Variants in SDE2 observed in about 807,000 individuals in gnomAD.
SDE2 encodes spliceosome associated SDE2.
Under a neutral mutation model 46.9 loss-of-function variants are expected in SDE2, and 31 were observed. The observed-to-expected ratio is 0.66, with a 90% CI of 0.50 to 0.89. SDE2 has a LOEUF of 0.89. Ranked by LOEUF, SDE2 falls within the 40% of genes least tolerant of loss-of-function variation. The pLI, the probability that SDE2 is intolerant of heterozygous loss-of-function variation, is 0.00. For synonymous variants in SDE2, 205 were observed against 204.3 expected (o/e 1.00, Z -0.03); for missense variants, 542 against 564.4 (o/e 0.96, Z 0.40).
At chr1:225,994,783 C>G (rs560045961) in intron 2 of SDE2, among the ~76,000 whole-genome samples, 11 of 152,346 alleles carry the variant, frequency 7.2e-5, no homozygotes, top group Non-Finnish European at 1.0e-4. Flanking sequence ...TCCCTAAGAG[C>G]TATCCAGCTG....
In SDE2 at chr1:225,987,940, T is replaced by C. The variant is rs899212362; in HGVS notation, c.1090A>G (p.Asn364Asp). Reference sequence around the variant, plus strand: ...TCCTGCAGTTTGGCAACGGCAACGTTTTCCCTTTCTTCAGGTGCTACCTCA... The same window carrying C: ...TCCTGCAGTTTGGCAACGGCAACGTCTTCCCTTTCTTCAGGTGCTACCTCA... ...VAEVAPEERE[N>D]VAVAKLQESQ... The change falls in exon 6 of 7, where the codon AAC (asparagine) becomes GAC (aspartate). Residue 364 changes from asparagine to aspartate, a missense_variant. Physicochemically the swap from Asn to Asp is conservative, Grantham distance 23. Coordinates refer to ENST00000272091, the MANE Select transcript of SDE2 (RefSeq NM_152608.4). 1.2e-6 allele frequency: 2 copies of C among 1,613,092 alleles called. No homozygotes were observed. The highest frequency in any genetic ancestry group is 1.7e-6 in the Non-Finnish European group (2 of 1,179,770).
At chr1:225,996,954 G>A (rs1656540291) in intron 1 of SDE2, among the ~76,000 whole-genome samples, 1 of 152,210 alleles carries the variant, frequency 6.6e-6, no homozygotes, top group Non-Finnish European at 1.5e-5. Flanking sequence ...AATCAAGAAT[G>A]CTTCTCTACA....
chr1:225,993,607 G>A (rs1272262075), intron 2 of SDE2, among the ~76,000 whole-genome samples: 1 of 148,794 alleles, frequency 6.7e-6, no homozygotes, highest in Non-Finnish European at 1.5e-5. Context: ...GCCAGGCTCT[G>A]TCTCAAAAAA....
chr1:225,998,753 G>A (rs747317251), intron 1 of SDE2, among the ~76,000 whole-genome samples: 2 of 152,124 alleles, frequency 1.3e-5, no homozygotes, highest in African/African-American at 2.4e-5. Context: ...ATCATCCTTT[G>A]GCCTGGGTTT....
At position 225,983,430 on chromosome 1, in the gene SDE2, T is replaced by G. The variant is rs1280929066; in HGVS notation, c.*1872A>C. 1 of 152,208 alleles carries G rather than the reference T, an allele frequency of 6.6e-6. No individual in the cohort carries two copies. The highest frequency in any genetic ancestry group is 1.9e-4 in the East Asian group (1 of 5,200). 9.4% of individuals were successfully genotyped at this position (152,208 alleles called of 1,614,324 possible). On this transcript the variant is annotated 3_prime_UTR_variant, in exon 7 of 7. Transcript: ENST00000272091. ...TAATTGAAGATTTTAACATCCTTTCTCAGCACCTGATAGAAATAAACAAAA... is the reference window on the plus strand; with the variant it reads ...TAATTGAAGATTTTAACATCCTTTCGCAGCACCTGATAGAAATAAACAAAA...
At position 225,992,616 on chromosome 1, in the gene SDE2, A is replaced by AT. The variant is rs1269434755; in HGVS notation, c.351-50_351-49insA. ...ATAACTGAATAGATATATTACATAT[A>AT]CACTTTTATATATAAAATGTCTCTG... On this transcript the variant is annotated intron_variant, in intron 3 of 6. Transcript: ENST00000272091. 6.0e-6 allele frequency: 7 copies of AT among 1,159,910 alleles called. No homozygotes were observed. In the Admixed American group the frequency reaches 1.3e-4, roughly 22 times the overall value. The allele number at this position is 1,159,910 out of a possible 1,614,324, so 71.9% of individuals were successfully genotyped here. A position where few individuals can be genotyped will look rare whatever the true frequency, so the allele number is the denominator to read the frequency against.
Position 225,995,281 on chromosome 1 carries a change from A to C in SDE2, c.223T>G (p.Cys75Gly). ...CAGGTCCTACCTCCTTTTCCACCGC[A>C]AAGTCTGGGTTCCAAACTATAAACA... ...GAVYSLEPRLCGGKGGFGSML... is the reference protein window; with the variant it reads ...GAVYSLEPRLGGGKGGFGSML... The change falls in exon 2 of 7, where the codon TGC (cysteine) becomes GGC (glycine). Residue 75 changes from cysteine (C) to glycine (G), a missense_variant. By Grantham distance (159) the Cys-to-Gly change is radical. Coordinates refer to ENST00000272091, the MANE Select transcript of SDE2 (RefSeq NM_152608.4). The C allele has an allele frequency of 6.3e-7, 1 of 1,599,414 alleles. No homozygotes were observed.
chr1:225,998,222 G>A (rs1305100862), intron 1 of SDE2, among the ~76,000 whole-genome samples: 1 of 152,198 alleles, frequency 6.6e-6, no homozygotes, highest in Non-Finnish European at 1.5e-5. Context: ...GTCAAAAACA[G>A]TTGTGCTTAC....
Position 225,985,467 on chromosome 1 carries a change from C to T in SDE2, c.1191G>A (p.Glu397=). The T allele has an allele frequency of 1.9e-6, 3 of 1,614,166 alleles. No homozygotes were observed. Among genetic ancestry groups the T allele is most frequent in the Non-Finnish European group, 2.5e-6 (3 of 1,179,978 alleles). The change falls in exon 7 of 7, where the codon GAG becomes GAA. Residue 397 remains glutamate, a synonymous_variant. Transcript: ENST00000272091. ...ATTTGAGCTTCTCCAAACCCAGCAACTCCAGTTCTGCAACAGAGGTGAACG... is the reference window on the plus strand; with the variant it reads ...ATTTGAGCTTCTCCAAACCCAGCAATTCCAGTTCTGCAACAGAGGTGAACG... ...LLAFTSVAEL[E]LLGLEKLKCE... is the part of the protein sequence containing the mutation.
chr1:225,992,939 C>G lies in SDE2; in HGVS notation c.302G>C (p.Cys101Ser). The G allele has an allele frequency of 6.2e-7, 1 of 1,613,694 alleles. No homozygotes were observed. Among genetic ancestry groups the G allele is most frequent in the South Asian group, 1.1e-5 (1 of 91,072 alleles). Residue 101 changes from cysteine to serine, a missense_variant, in exon 3 of 7, where the codon TGT becomes TCT. By Grantham distance (112) the Cys-to-Ser change is moderately radical. Transcript: ENST00000272091. Reference sequence around the variant, plus strand: ...TAGTCTCCTTCCACTGAGATCCCGACAAGCTTCTCGATTGGTTGTCTTCTC... The same window carrying G: ...TAGTCTCCTTCCACTGAGATCCCGAGAAGCTTCTCGATTGGTTGTCTTCTC... Reference protein sequence around the residue: ...QIEKTTNREACRDLSGRRLRD... With the variant: ...QIEKTTNREASRDLSGRRLRD...
At chr1:225,992,223 T>G (rs78572447) in intron 4 of SDE2, among the ~76,000 whole-genome samples, 175 bp downstream of exon 4, 1 of 152,114 alleles carries the variant, frequency 6.6e-6, no homozygotes, top group South Asian at 2.1e-4. Context: ...TGTTCTTTTT[T>G]AAAAAAATAC....
Position 225,988,061 on chromosome 1 carries a change from C to G in SDE2, c.969G>C (p.Lys323Asn). ...CTTCTATGGGTTCTTTACTCTCTGC[C>G]TTCTTCTCCTGGGTCTCTTCTGTTT... Reference protein sequence around the residue: ...VTETEETQEKKAESKEPIEEE... With the variant: ...VTETEETQEKNAESKEPIEEE... Residue 323 changes from lysine (K) to asparagine (N), a missense_variant, in exon 6 of 7, where the codon AAG becomes AAC. Transcript: ENST00000272091. 1 of 1,614,100 alleles carries G rather than the reference C, an allele frequency of 6.2e-7. No homozygotes were observed. The highest frequency in any genetic ancestry group is 1.1e-5 in the South Asian group (1 of 91,090).
chr1:225,991,134 G>A (rs536517865), intron 5 of SDE2, 109 bp downstream of exon 5: 92 of 1,052,624 alleles, frequency 8.7e-5, no homozygotes, highest in Non-Finnish European at 1.2e-4. Context: ...GAAATTTTCT[G>A]AGCTCCCACC....
At chr1:225,991,222 G>A in intron 5 of SDE2, 21 bp downstream of exon 5, 7 of 1,609,196 alleles carry the variant, frequency 4.3e-6, no homozygotes, top group Non-Finnish European at 6.0e-6. Context: ...GATCAATTGG[G>A]AACGAAAGTG....
rs1656227341 is a variant in SDE2, at chr1:225,984,557, T to A, written c.*745A>T. ...CAGGCACGGTGGCTCACGCCTGTAA[T>A]CCCAGCACTCTGGGAGGCTGAGGCG... On this transcript the variant is annotated 3_prime_UTR_variant, in exon 7 of 7. Coordinates refer to ENST00000272091, the MANE Select transcript of SDE2 (RefSeq NM_152608.4). 1 of 152,246 alleles carries A rather than the reference T, an allele frequency of 6.6e-6. No individual in the cohort carries two copies. The highest frequency in any genetic ancestry group is 1.5e-5 in the Non-Finnish European group (1 of 68,050). The allele number at this position is 152,246 out of a possible 1,614,324, so 9.4% of individuals were successfully genotyped here.
At position 225,987,087 on chromosome 1, in the gene SDE2, G is replaced by A. The variant is rs546249932; in HGVS notation, c.1134+809C>T. 2.0e-5 allele frequency among the ~76,000 whole-genome samples: 3 copies of A among 152,278 alleles called. No homozygotes were observed. The South Asian group carries it at 6.2e-4, about 32-fold the overall frequency. On this transcript the variant is annotated intron_variant, in intron 6 of 6. Coordinates refer to ENST00000272091, the MANE Select transcript of SDE2 (RefSeq NM_152608.4). ...AGATGGAGTCTCACTCTGTCGCCCA[G>A]GCTGGAGTACAGTGGTACAATCTCA... is the stretch of plus-strand genomic sequence containing the variant.
At position 225,988,350 on chromosome 1, in the gene SDE2, T is replaced by C. The variant is rs749129957; in HGVS notation, c.680A>G (p.Asn227Ser). 1.2e-6 allele frequency: 2 copies of C among 1,614,144 alleles called. No homozygotes were observed. ...MEGLETAEGS[N>S]SESSDDDSEE... ...ACTGTCATCATCTGAACTCTCAGAG[T>C]TGGACCCTTCTGCAGTCTCTAGTCC... The change falls in exon 6 of 7, where the codon AAC becomes AGC. Residue 227 changes from asparagine (N) to serine (S), a missense_variant. Coordinates refer to ENST00000272091, the MANE Select transcript of SDE2 (RefSeq NM_152608.4).
intron 1 of SDE2, among the ~76,000 whole-genome samples, chr1:225,995,873 C>A (rs1656511436): frequency 6.6e-6 from 1 of 152,116 alleles, no homozygotes; most frequent in Admixed American, 6.6e-5. Context: ...GACATAAATA[C>A]ATGAAAAATG....
chr1:225,990,673 T>C (rs941039122), intron 5 of SDE2, among the ~76,000 whole-genome samples: 1 of 152,218 alleles, frequency 6.6e-6, no homozygotes, highest in Non-Finnish European at 1.5e-5. Flanking sequence ...CTCATAGTGT[T>C]ATATGATCTT....
Sources: allele counts gnomAD v4.1 joint callset (sites outside exome capture counted in the v4.1 genomes callset), GRCh38; gene constraint gnomAD v4.1.1; transcripts MANE v1.5; gene names NCBI Gene and HGNC (gene_info 2026-07-23, HGNC 2026-07-21).